Variants in LNX1 observed in about 807,000 individuals in gnomAD.
LNX1 encodes the protein E3 ubiquitin-protein ligase LNX.
A neutral mutation model predicts 68.4 loss-of-function variants in LNX1; 54 were observed. The ratio of observed to expected loss-of-function variants is 0.79; its 90% CI spans 0.63 to 0.99. LNX1 has a LOEUF of 0.99. Among genes scored for constraint, LNX1 ranks in the 50% least tolerant of loss-of-function variants. The pLI is 0.00. For synonymous variants in LNX1, 336 were observed against 350.0 expected (o/e 0.96, Z 0.45); for missense variants, 906 against 926.4 (o/e 0.98, Z 0.29).
At chr4:53,477,979 C>T (rs1425559824) in intron 8 of LNX1, among the ~76,000 whole-genome samples, 1 of 152,108 alleles carries the variant, frequency 6.6e-6, no homozygotes, top group African/African-American at 2.4e-5. Context: ...GCTACCTACC[C>T]TCTTGAATGA....
At chr4:53,470,320 G>A (rs1723060260) in intron 9 of LNX1, among the ~76,000 whole-genome samples, 1 of 152,118 alleles carries the variant, frequency 6.6e-6, no homozygotes, top group Non-Finnish European at 1.5e-5. Flanking sequence ...CAATAAATTA[G>A]GTATTGATGG....
At chr4:53,614,449 A>T (rs2590821) in intron 2 of LNX1, among the ~76,000 whole-genome samples, 62,547 of 151,928 alleles carry the variant, frequency 0.41, 12,874 homozygotes, top group Admixed American at 0.45. Context: ...TACTTCCTTT[A>T]GTGAAGTGAC....
chr4:53,638,499 C>A lies in LNX1; in HGVS notation c.-215+13669G>T, dbSNP rs116435486. Reference sequence around the variant, plus strand: ...TTTAAGTCATGGGATGCACGTGTTCCCAGCTGAGGTCCAACAGTGACGCTC... The same window carrying A: ...TTTAAGTCATGGGATGCACGTGTTCACAGCTGAGGTCCAACAGTGACGCTC... On this transcript the variant is annotated intron_variant, in intron 1 of 2. Transcript: ENST00000507168. 7.0e-3 allele frequency among the ~76,000 whole-genome samples: 1,064 copies of A among 152,248 alleles called. 13 individuals carry two copies. The highest frequency in any genetic ancestry group is 0.024 in the African/African-American group (999 of 41,546).
intron 6 of LNX1, among the ~76,000 whole-genome samples, chr4:53,495,760 C>A (rs1219351118): frequency 6.6e-6 from 1 of 152,048 alleles, no homozygotes; most frequent in African/African-American, 2.4e-5. Flanking sequence ...GCCAGGCTGG[C>A]CTTGAACTCC....
chr4:53,498,599 A>G (rs147847312), intron 5 of LNX1, 42 bp downstream of exon 5: 631 of 1,478,948 alleles, frequency 4.3e-4, no homozygotes, highest in Middle Eastern at 1.4e-3. Context: ...GCATTTTTTT[A>G]TATCAAGCCC....
At position 53,599,831 on chromosome 4, in the gene LNX1, T is replaced by G. The variant is rs1025754449; in HGVS notation, c.-214-8316A>C. Reference sequence around the variant, plus strand: ...CTTATAGCTTTAGAATTTGCACAAATGTAGAGGCAGCTGCTCTGAGTGGGT... The same window carrying G: ...CTTATAGCTTTAGAATTTGCACAAAGGTAGAGGCAGCTGCTCTGAGTGGGT... On this transcript the variant is annotated intron_variant, in intron 2 of 3. Transcript: ENST00000504299. 5.3e-5 allele frequency among the ~76,000 whole-genome samples: 8 copies of G among 152,296 alleles called. No individual in the cohort carries two copies. The East Asian group carries it at 1.5e-3, about 29-fold the overall frequency.
At chr4:53,492,974 CTT>C (rs1482753178) in intron 6 of LNX1, among the ~76,000 whole-genome samples, 2 of 151,962 alleles carry the variant, frequency 1.3e-5, no homozygotes, top group East Asian at 1.9e-4. Context: ...GAAAATGTCT[CTT>C]TGTTTATTTT....
intron 1 of LNX1, chr4:53,652,018 TGTGAGAGAGAGAGAGAGAGA>T (rs1735118034): frequency 9.8e-6 from 1 of 102,390 alleles, no homozygotes; most frequent in Admixed American, 9.8e-5. Context: ...GATGTGTGTG[TGTGAGAGAGAGAGAGAGAGA>T]GAGAGAGAGA....
In LNX1 at chr4:53,521,502, G is replaced by A. The variant is rs1577654447; in HGVS notation, c.381-13275C>T. On this transcript the variant is annotated intron_variant, in intron 2 of 10. Coordinates refer to ENST00000263925, the MANE Select transcript of LNX1 (RefSeq NM_001126328.3). ...TGGAAAATTGTGTTCTTCCTTGCTC[G>A]GGGTTTGGAAACGTGTCATGCAAAG... is the stretch of plus-strand genomic sequence containing the variant. Among the ~76,000 whole-genome samples, 6 of 152,156 alleles carry A rather than the reference G, an allele frequency of 3.9e-5. No individual in the cohort carries two copies. In the East Asian group the frequency reaches 7.7e-4, roughly 20 times the overall value.
intron 2 of LNX1, among the ~76,000 whole-genome samples, chr4:53,527,422 T>C (rs578241114): frequency 6.6e-6 from 1 of 152,264 alleles, no homozygotes; most frequent in East Asian, 1.9e-4. Context: ...GAGAGTGAGT[T>C]TGCATGAATT....
At chr4:53,585,549 G>A (rs1312632323) in intron 1 of LNX1, among the ~76,000 whole-genome samples, 1 of 152,172 alleles carries the variant, frequency 6.6e-6, no homozygotes, top group Non-Finnish European at 1.5e-5. Flanking sequence ...AGGATCTTGA[G>A]ATGAGATCAT....
At chr4:53,590,075 A>C (rs561581344) in intron 1 of LNX1, among the ~76,000 whole-genome samples, 32 of 150,388 alleles carry the variant, frequency 2.1e-4, no homozygotes, top group East Asian at 5.9e-4. Flanking sequence ...TGGTGGCCAA[A>C]CCCCCCCCCT....
intron 2 of LNX1, among the ~76,000 whole-genome samples, chr4:53,560,817 C>G (rs1417500544): frequency 1.3e-5 from 2 of 152,224 alleles, no homozygotes; most frequent in East Asian, 3.9e-4. Context: ...AACAAAACTT[C>G]TACCTGGTTA....
upstream of LNX1, among the ~76,000 whole-genome samples, chr4:53,592,501 C>T (rs1429959834): frequency 1.3e-5 from 2 of 152,160 alleles, no homozygotes; most frequent in Non-Finnish European, 2.9e-5. Context: ...GTATTTTTAC[C>T]ACCTGCATCC....
chr4:53,459,506 T>C lies in LNX1; in HGVS notation c.*1401A>G. ...CCAGAAGTAGATACTATAAATCTTGTTATTTTTCTGGATAATGTTTAAGAA... is the reference window on the plus strand; with the variant it reads ...CCAGAAGTAGATACTATAAATCTTGCTATTTTTCTGGATAATGTTTAAGAA... On this transcript the variant is annotated 3_prime_UTR_variant, in exon 11 of 11. Transcript: ENST00000263925. 1.2e-6 allele frequency: 2 copies of C among 1,606,722 alleles called. No homozygotes were observed. The highest frequency in any genetic ancestry group is 1.7e-6 in the Non-Finnish European group (2 of 1,175,372).
intron 2 of LNX1, among the ~76,000 whole-genome samples, chr4:53,532,841 C>T (rs986834623): frequency 1.3e-5 from 2 of 152,198 alleles, no homozygotes; most frequent in African/African-American, 4.8e-5. Context: ...CAGGTTCACC[C>T]TTCCCTCAAG....
chr4:53,649,785 T>G (rs1735022744), intron 1 of LNX1, among the ~76,000 whole-genome samples: 1 of 152,148 alleles, frequency 6.6e-6, no homozygotes, highest in Non-Finnish European at 1.5e-5. Flanking sequence ...TCATTGTACT[T>G]GGCCACATGG....
chr4:53,466,200 G>C (rs995052329), intron 9 of LNX1, among the ~76,000 whole-genome samples: 2 of 152,092 alleles, frequency 1.3e-5, no homozygotes, highest in Admixed American at 6.5e-5. Flanking sequence ...ATATTGTACT[G>C]TTTTCAGAAA....
intron 1 of LNX1, among the ~76,000 whole-genome samples, chr4:53,648,019 G>A (rs775966795): frequency 1.3e-5 from 2 of 152,206 alleles, no homozygotes; most frequent in Non-Finnish European, 2.9e-5. Context: ...GGACACTTGG[G>A]TTGCATGTAC....
Sources: allele counts gnomAD v4.1 joint callset (sites outside exome capture counted in the v4.1 genomes callset), GRCh38; gene constraint gnomAD v4.1.1; transcripts MANE v1.5; gene names NCBI Gene and HGNC (gene_info 2026-07-23, HGNC 2026-07-21).